The following SYT1 variants were observed in gnomAD, a reference collection of about 807,000 sequenced individuals.
SYT1 encodes synaptotagmin-1.
A neutral mutation model predicts 44.8 loss-of-function variants in SYT1; 8 were observed. That is an observed-to-expected ratio of 0.18 (90% CI 0.10 to 0.32). The LOEUF is 0.32. Among genes scored for constraint, SYT1 ranks in the 10% least tolerant of loss-of-function variants. SYT1 has a pLI of 1.00. For missense variants in SYT1, 286 were observed against 509.3 expected, an observed-to-expected ratio of 0.56 and a Z score of 4.22; for synonymous variants, 154 against 188.8, an observed-to-expected ratio of 0.82 and a Z score of 1.51.
Position 79,121,514 on chromosome 12 carries a change from C to G in SYT1, c.-18+74152C>G, listed in dbSNP as rs764365053. ...GCTAGCCTCTCTCTGATTCTAGAAG[C>G]AAAGCCTCTGAATAAAGGGTTCAAT... On this transcript the variant is annotated intron_variant, in intron 3 of 10. Transcript: ENST00000261205. 1.8e-4 allele frequency among the ~76,000 whole-genome samples: 27 copies of G among 152,154 alleles called. 1 individual carries two copies. The highest frequency in any genetic ancestry group is 2.9e-5 in the Non-Finnish European group (2 of 68,030).
At chr12:79,089,243 AG>A (rs1443822917) in intron 3 of SYT1, among the ~76,000 whole-genome samples, 2 of 152,080 alleles carry the variant, frequency 1.3e-5, no homozygotes, top group East Asian at 3.9e-4. Flanking sequence ...AGAAACAATC[AG>A]GGTTTAGAAG....
intron 3 of SYT1, among the ~76,000 whole-genome samples, chr12:79,119,464 T>G (rs1348968359): frequency 4.0e-5 from 6 of 151,624 alleles, no homozygotes; most frequent in South Asian, 4.2e-4. Flanking sequence ...CCTTACATAT[T>G]TTCTCACATA....
At chr12:78,953,249 A>G (rs1459670716) in intron 1 of SYT1, among the ~76,000 whole-genome samples, 1 of 152,072 alleles carries the variant, frequency 6.6e-6, no homozygotes, top group Non-Finnish European at 1.5e-5. Flanking sequence ...AATGAATGAT[A>G]TAGGGAAGAG....
intron 9 of SYT1, among the ~76,000 whole-genome samples, chr12:79,397,534 A>G (rs1253173508): frequency 6.6e-6 from 1 of 152,048 alleles, no homozygotes; most frequent in African/African-American, 2.4e-5. Context: ...GGCCCATCAG[A>G]GGTTTTTAAA....
intron 3 of SYT1, among the ~76,000 whole-genome samples, chr12:79,128,611 T>A (rs1418464263): frequency 1.3e-5 from 2 of 152,206 alleles, no homozygotes; most frequent in Non-Finnish European, 2.9e-5. Flanking sequence ...GATACCCTAT[T>A]AAAATCATCA....
intron 3 of SYT1, among the ~76,000 whole-genome samples, chr12:79,091,518 A>G (rs1877773966): frequency 6.6e-6 from 1 of 152,044 alleles, no homozygotes; most frequent in African/African-American, 2.4e-5. Flanking sequence ...ATAGACAGTG[A>G]CAATCTGACA....
rs1385559677 is a variant in SYT1 at position 79,369,320 on chromosome 12, A to G, written c.928+15701A>G. ...AACATAGTGAAACCCTGTCTCTACA[A>G]AAATTATTAGCCAGGCATGGTGGCA... On this transcript the variant is annotated intron_variant, in intron 9 of 10. Coordinates refer to ENST00000261205, the MANE Select transcript of SYT1 (RefSeq NM_005639.3). 2.6e-5 allele frequency among the ~76,000 whole-genome samples: 4 copies of G among 152,178 alleles called. No homozygotes were observed. The East Asian group carries it at 7.7e-4, about 29-fold the overall frequency.
At chr12:79,131,002 T>A (rs1323478510) in intron 3 of SYT1, among the ~76,000 whole-genome samples, 1 of 152,182 alleles carries the variant, frequency 6.6e-6, no homozygotes, top group African/African-American at 2.4e-5. Flanking sequence ...CCCACTGCAT[T>A]ACAACCATTT....
At chr12:79,025,690 C>T (rs950531396) in intron 2 of SYT1, among the ~76,000 whole-genome samples, 1 of 151,412 alleles carries the variant, frequency 6.6e-6, no homozygotes, top group East Asian at 1.9e-4. Context: ...TATATAGGCT[C>T]TGTATTTTGT....
At chr12:79,106,520 A>G (rs1555198690) in intron 3 of SYT1, among the ~76,000 whole-genome samples, 1 of 149,684 alleles carries the variant, frequency 6.7e-6, no homozygotes, top group African/African-American at 2.5e-5. Context: ...TTTTTTGCTC[A>G]TAATGAAAAT....
At position 79,413,827 on chromosome 12, in the gene SYT1, G is replaced by C. The variant is rs545379764; in HGVS notation, c.929-30246G>C. Among the ~76,000 whole-genome samples the C allele has an allele frequency of 8.5e-5, 13 of 152,182 alleles. No homozygotes were observed. The East Asian group carries it at 2.3e-3, about 27-fold the overall frequency. ...CTTCAGGTAATTGCATGCCTAAATAGTAAGGTACAAATAAAAACAGGAAGA... is the reference window on the plus strand; with the variant it reads ...CTTCAGGTAATTGCATGCCTAAATACTAAGGTACAAATAAAAACAGGAAGA... On this transcript the variant is annotated intron_variant, in intron 9 of 10. Transcript: ENST00000261205.
intron 8 of SYT1, among the ~76,000 whole-genome samples, chr12:79,312,274 T>G (rs1349571510): frequency 6.6e-6 from 1 of 152,190 alleles, no homozygotes; most frequent in Non-Finnish European, 1.5e-5. Context: ...TGAGGCCTTC[T>G]TCCAGAAAAT....
rs116965033 is a variant in SYT1, at chr12:79,423,238, A to G, written c.929-20835A>G. 1.7e-3 allele frequency among the ~76,000 whole-genome samples: 265 copies of G among 152,174 alleles called. 6 individuals are homozygous for G. In the East Asian group the frequency reaches 0.044, roughly 25 times the overall value. ...CATGCTTTGTTTTGTTTTAATGTCC[A>G]TATTATTAGGTTACAGTCTTTTCCT... On this transcript the variant is annotated intron_variant, in intron 9 of 10. Coordinates refer to ENST00000261205, the MANE Select transcript of SYT1 (RefSeq NM_005639.3).
At chr12:79,443,459 T>C (rs1870539051) in intron 9 of SYT1, among the ~76,000 whole-genome samples, 1 of 152,204 alleles carries the variant, frequency 6.6e-6, no homozygotes, top group South Asian at 2.1e-4. Flanking sequence ...TATATAAACT[T>C]AGTCTATTTT....
At chr12:79,152,842 A>T (rs1870358612) in intron 3 of SYT1, among the ~76,000 whole-genome samples, 1 of 151,540 alleles carries the variant, frequency 6.6e-6, no homozygotes, top group Non-Finnish European at 1.5e-5. Context: ...GAAACTAATT[A>T]ACTGATGATG....
chr12:78,911,584 C>T (rs1876331805), intron 1 of SYT1, among the ~76,000 whole-genome samples: 2 of 151,802 alleles, frequency 1.3e-5, no homozygotes, highest in African/African-American at 2.4e-5. Context: ...AAACAGTCTC[C>T]TTTGAGATCA....
At chr12:78,907,005 TCATGTTGTATTTATTAAA>T (rs1876027548) in intron 1 of SYT1, among the ~76,000 whole-genome samples, 1 of 152,152 alleles carries the variant, frequency 6.6e-6, no homozygotes, top group Admixed American at 6.6e-5. Flanking sequence ...GATAAGATTT[TCATGTTGTATTTATTAAA>T]GTGTACATTT....
intron 8 of SYT1, among the ~76,000 whole-genome samples, chr12:79,345,102 G>A (rs891988739): frequency 3.3e-5 from 5 of 152,186 alleles, no homozygotes; most frequent in Admixed American, 3.3e-4. Context: ...CCTTATCTCA[G>A]CTCAGGTAAC....
intron 2 of SYT1, among the ~76,000 whole-genome samples, chr12:79,004,907 A>G (rs946151531): frequency 1.3e-5 from 2 of 152,172 alleles, no homozygotes; most frequent in Middle Eastern, 3.4e-3. Context: ...GGTGAATAAT[A>G]TGCTCATATA....
Sources: gnomAD v4.1 joint callset for allele counts (sites outside exome capture counted in the v4.1 genomes callset) on GRCh38, gnomAD v4.1.1 for gene constraint, MANE v1.5 for transcripts, NCBI Gene and HGNC (gene_info 2026-07-23, HGNC 2026-07-21) for gene names.